UNC79: variants seen among roughly 807,000 people sequenced by gnomAD.
UNC79 encodes protein unc-79 homolog.
A neutral mutation model predicts 283.1 loss-of-function variants in UNC79; 37 were observed. The ratio of observed to expected loss-of-function variants is 0.13; its 90% CI spans 0.10 to 0.17. The LOEUF is 0.17. Among genes scored for constraint, UNC79 ranks in the 10% least tolerant of loss-of-function variants. UNC79 has a pLI of 1.00. For missense variants in UNC79, 2,272 were observed against 3,211.1 expected, an observed-to-expected ratio of 0.71 and a Z score of 7.07; for synonymous variants, 1,107 against 1,200.2, an observed-to-expected ratio of 0.92 and a Z score of 1.61.
exon 1 of UNC79, chr14:93,333,356 C>T (rs2053498228): frequency 2.5e-6 from 1 of 398,336 alleles, no homozygotes; most frequent in African/African-American, 2.1e-5. Flanking sequence ...TACTACGTCA[C>T]CAGATGGCCA....
chr14:93,350,178 T>C (rs1595375526), intron 1 of UNC79, among the ~76,000 whole-genome samples: 1 of 152,182 alleles, frequency 6.6e-6, no homozygotes, highest in Admixed American at 6.5e-5. Context: ...TTAAGGTTAC[T>C]AAGAATAAGA....
At chr14:93,672,148 T>C (rs1378796134) in intron 40 of UNC79, among the ~76,000 whole-genome samples, 1 of 152,144 alleles carries the variant, frequency 6.6e-6, no homozygotes, top group Non-Finnish European at 1.5e-5. Context: ...GACTAAAAAG[T>C]ACCTGTCCTA....
At chr14:93,372,672 A>G (rs2054477495) in intron 1 of UNC79, among the ~76,000 whole-genome samples, 1 of 152,234 alleles carries the variant, frequency 6.6e-6, no homozygotes, top group Non-Finnish European at 1.5e-5. Context: ...ACATGAGACA[A>G]AAACCAGTAG....
intron 1 of UNC79, among the ~76,000 whole-genome samples, chr14:93,340,911 C>T (rs149471982): frequency 9.2e-5 from 14 of 152,202 alleles, no homozygotes; most frequent in African/African-American, 2.4e-4. Context: ...TACGTAAGGA[C>T]GCAGCTTCAG....
At chr14:93,566,912 C>A (rs192657909) in intron 14 of UNC79, among the ~76,000 whole-genome samples, 1 of 152,040 alleles carries the variant, frequency 6.6e-6, no homozygotes, top group African/African-American at 2.4e-5. Flanking sequence ...CCACCACGCT[C>A]GGCCTGGAAT....
rs564431239 is a variant in UNC79, at chr14:93,560,402, A to G, written c.1756-11492A>G. The stretch of plus-strand genomic sequence containing the variant: ...CAAGGCCTCGGCAGTTTTGGAGGAC[A>G]ACTGCAGCTTAAAGAGTCAACTTGG... On this transcript the variant is annotated intron_variant, in intron 14 of 48. Coordinates refer to ENST00000555664, the Ensembl canonical transcript of UNC79. Among the ~76,000 whole-genome samples, 246 of 152,320 alleles carry G rather than the reference A, an allele frequency of 1.6e-3. 1 individual carries two copies. The highest frequency in any genetic ancestry group is 2.7e-3 in the Non-Finnish European group (186 of 68,036).
rs142939066 is a variant in UNC79, at chr14:93,487,086, G to A, written c.620-577G>A. 1.5e-3 allele frequency among the ~76,000 whole-genome samples: 236 copies of A among 152,260 alleles called. 2 individuals are homozygous for A. The highest frequency in any genetic ancestry group is 5.4e-3 in the African/African-American group (225 of 41,554). ...AGACATTGATGATGAAGTTACACGT[G>A]AAGGTTTGAATAAAACTGTTTAATG... On this transcript the variant is annotated intron_variant, in intron 4 of 48. Transcript: ENST00000555664.
downstream of UNC79, chr14:93,706,973 A>G (rs2075921350): frequency 1.3e-6 from 2 of 1,563,238 alleles, no homozygotes; most frequent in African/African-American, 2.7e-5. Context: ...AAACAATTTG[A>G]TCCAAGCAGG....
chr14:93,477,415 CATT>C, intron 3 of UNC79, 140 bp from the exon 4 acceptor site: 1 of 605,990 alleles, frequency 1.7e-6, no homozygotes, highest in Non-Finnish European at 2.7e-6. Flanking sequence ...CCCTATCAAA[CATT>C]ATGTTTCATA....
At chr14:93,387,409 T>G (rs756406785) in intron 1 of UNC79, among the ~76,000 whole-genome samples, 1 of 152,208 alleles carries the variant, frequency 6.6e-6, no homozygotes, top group South Asian at 2.1e-4. Context: ...CTGCTTTTGC[T>G]GTATTTCTTA....
intron 7 of UNC79, among the ~76,000 whole-genome samples, chr14:93,501,558 C>T (rs965817495): frequency 6.6e-6 from 1 of 151,724 alleles, no homozygotes; most frequent in Non-Finnish European, 1.5e-5. Context: ...TGTGATGGTG[C>T]GTGCCTATAA....
At chr14:93,534,100 G>T (rs559307289) in intron 11 of UNC79, among the ~76,000 whole-genome samples, 2 of 152,328 alleles carry the variant, frequency 1.3e-5, no homozygotes, top group African/African-American at 2.4e-5. Context: ...TCAAAAAGAG[G>T]AAGGGAAAGC....
At chr14:93,601,285 G>A (rs915975601) in intron 25 of UNC79, among the ~76,000 whole-genome samples, 1 of 146,174 alleles carries the variant, frequency 6.8e-6, no homozygotes, top group Non-Finnish European at 1.5e-5. Context: ...CCCAAATTCC[G>A]TTCTGTCATT....
At chr14:93,662,127 G>A (rs2071666560) in intron 39 of UNC79, among the ~76,000 whole-genome samples, 2 of 152,316 alleles carry the variant, frequency 1.3e-5, no homozygotes, top group Non-Finnish European at 1.5e-5. Context: ...AACATTGGCA[G>A]GAGGCTGGGT....
intron 1 of UNC79, 44 bp from the exon 2 acceptor site, chr14:93,467,627 C>CTTT: frequency 1.2e-6 from 1 of 828,960 alleles, no homozygotes; most frequent in Non-Finnish European, 1.4e-6. Context: ...TTTTCTTCTT[C>CTTT]CTTTTTTTTT....
chr14:93,420,178 T>TAAAAAAAA (rs60757202), intron 1 of UNC79, among the ~76,000 whole-genome samples: 1 of 103,856 alleles, frequency 9.6e-6, no homozygotes. Context: ...GCTGAACAGA[T>TAAAAAAAA]AAAAAAAAAA....
intron 30 of UNC79, among the ~76,000 whole-genome samples, chr14:93,624,395 G>A (rs1489849069): frequency 1.3e-5 from 2 of 152,178 alleles, no homozygotes; most frequent in Non-Finnish European, 2.9e-5. Context: ...TTTATTGTTT[G>A]GGGCCAGGAA....
At chr14:93,357,540 G>C (rs2054110858) in intron 1 of UNC79, among the ~76,000 whole-genome samples, 1 of 151,424 alleles carries the variant, frequency 6.6e-6, no homozygotes, top group Non-Finnish European at 1.5e-5. Flanking sequence ...TCCCATACTG[G>C]ATGCTCCTGC....
At chr14:93,599,729 T>C (rs1000466214) in intron 24 of UNC79, among the ~76,000 whole-genome samples, 5 of 152,240 alleles carry the variant, frequency 3.3e-5, no homozygotes, top group African/African-American at 1.2e-4. Context: ...GAACAGGTTC[T>C]CAATCCATTC....
Sources: gnomAD v4.1 joint callset for allele counts (sites outside exome capture counted in the v4.1 genomes callset) on GRCh38, gnomAD v4.1.1 for gene constraint, MANE v1.5 for transcripts, NCBI Gene and HGNC (gene_info 2026-07-23, HGNC 2026-07-21) for gene names.